Variants in TNC observed in about 807,000 individuals in gnomAD.
TNC encodes the protein tenascin.
In TNC, 109 loss-of-function variants were observed where a neutral mutation model predicts 202.4. The observed-to-expected ratio is 0.54, with a 90% CI of 0.46 to 0.63. The LOEUF (loss-of-function observed/expected upper bound fraction) is 0.63, where lower values mean the gene tolerates loss of function less well. Among genes scored for constraint, TNC ranks in the 30% least tolerant of loss-of-function variants. TNC has a pLI of 0.00. For missense variants in TNC, 2,756 were observed against 2,833.3 expected (o/e 0.97, Z 0.62); for synonymous variants, 1,007 against 1,089.7 (o/e 0.92, Z 1.50).
chr9:115,110,735 C>T (rs887147700), intron 1 of TNC, among the ~76,000 whole-genome samples: 2 of 152,168 alleles, frequency 1.3e-5, no homozygotes, highest in Admixed American at 6.5e-5. Flanking sequence ...GGAATCATTG[C>T]CGTGAAAGGC....
intron 1 of TNC, among the ~76,000 whole-genome samples, chr9:115,103,981 T>A (rs1333268723): frequency 1.3e-5 from 2 of 152,196 alleles, no homozygotes; most frequent in Admixed American, 1.3e-4. Flanking sequence ...CATTGATACA[T>A]TCAGACCACA....
rs575588915 is a variant in TNC, at chr9:115,098,728, C to T, written c.-136-7574G>A. 5.9e-5 allele frequency among the ~76,000 whole-genome samples: 9 copies of T among 152,266 alleles called. No individual in the cohort carries two copies. In the South Asian group the frequency reaches 1.9e-3, roughly 32 times the overall value. On this transcript the variant is annotated intron_variant, in intron 1 of 27. Coordinates refer to ENST00000350763, the MANE Select transcript of TNC (RefSeq NM_002160.4). ...TGAATTTGTTTCCACATCATTTTGGCAACCCATGAGGCAGCTTACACCAAA... is the reference window on the plus strand; with the variant it reads ...TGAATTTGTTTCCACATCATTTTGGTAACCCATGAGGCAGCTTACACCAAA...
In TNC at chr9:115,021,124, C is replaced by T. The variant is rs777165449; in HGVS notation, c.*33G>A. 2.1e-5 allele frequency: 32 copies of T among 1,539,312 alleles called. No homozygotes were observed. The highest frequency in any genetic ancestry group is 2.6e-5 in the Non-Finnish European group (29 of 1,112,992). ...GTAAAATCCTTTCCTCGCTCTGGGC[C>T]TTATTCCTCTCTCACCCAGTGGTCC... On this transcript the variant is annotated 3_prime_UTR_variant, in exon 28 of 28. Transcript: ENST00000350763.
intron 17 of TNC, among the ~76,000 whole-genome samples, chr9:115,045,364 C>T (rs1831093910): frequency 6.6e-6 from 1 of 151,866 alleles, no homozygotes; most frequent in Admixed American, 6.6e-5. Flanking sequence ...ATTATTACTA[C>T]TGTTATTATT....
chr9:115,091,007 C>G lies in TNC; in HGVS notation c.12G>C (p.Met4Ile), dbSNP rs776809537. ...GAAAGACACCTGCCAACAGCTGAGT[C>G]ATGGCCCCCATGGTGGAGGTGGGTT... is the stretch of plus-strand genomic sequence containing the variant. MGA[M>I]TQLLAGVFLA... The change falls in exon 2 of 28, where the codon ATG becomes ATC. Residue 4 changes from methionine to isoleucine, a missense_variant. Met to Ile is a conservative substitution (Grantham distance 10). Around this residue, in one of 2 missense-constraint regions of TNC, gnomAD observed 2,559 missense variants for 2,546.0 expected, o/e 1.01. Coordinates refer to ENST00000350763, the MANE Select transcript of TNC (RefSeq NM_002160.4). 3.7e-6 allele frequency: 6 copies of G among 1,610,080 alleles called. No homozygotes were observed. The Admixed American group carries it at 8.3e-5, about 22-fold the overall frequency.
At chr9:115,049,648 T>TC (rs1264943986) in intron 15 of TNC, among the ~76,000 whole-genome samples, 1 of 148,808 alleles carries the variant, frequency 6.7e-6, no homozygotes, top group Non-Finnish European at 1.5e-5. Context: ...CTTTTTTCTT[T>TC]TTTTTTTTCT....
rs1276429265 is a variant in TNC, at chr9:115,078,163, A to T, written c.2454T>A (p.Thr818=). The change falls in exon 7 of 28, where the codon ACT becomes ACA. Residue 818 remains threonine (T), a synonymous_variant. Coordinates refer to ENST00000350763, the MANE Select transcript of TNC (RefSeq NM_002160.4). ...QIEVKDVTDT[T]ALITWFKPLA... ...GGGGCTTGAACCAGGTGATCAAGGC[A>T]GTGGTGTCTGTGACATCTTTCACCT... 6.2e-7 allele frequency: 1 copy of T among 1,612,960 alleles called. No homozygotes were observed. Among genetic ancestry groups the T allele is most frequent in the Non-Finnish European group, 8.5e-7 (1 of 1,179,018 alleles).
At chr9:115,026,172 A>T (rs142741560) in intron 26 of TNC, among the ~76,000 whole-genome samples, 1 of 152,344 alleles carries the variant, frequency 6.6e-6, no homozygotes, top group East Asian at 1.9e-4. Flanking sequence ...ATACACCCAG[A>T]GTAAATTGAG....
intron 14 of TNC, among the ~76,000 whole-genome samples, chr9:115,059,244 A>G (rs1832362041): frequency 6.6e-6 from 1 of 152,208 alleles, no homozygotes; most frequent in Non-Finnish European, 1.5e-5. Flanking sequence ...TGCATTTTAA[A>G]GAAACATTTC....
rs1188400787 is a variant in TNC, at chr9:115,062,941, G to A, written c.4009C>T (p.Pro1337Ser). ...HGEVRGHSTR[P>S]LAVEVVTEDL... ...CCTGTGACGACCTCTACAGCAAGGG[G>A]TCGAGTGCTGTGGCCCCTGACCTCG... The change falls in exon 13 of 28, where the codon CCC (proline) becomes TCC (serine). Residue 1337 changes from proline (P) to serine (S), a missense_variant. Pro to Ser is a moderately conservative substitution (Grantham distance 74, BLOSUM62 -1). Around this residue, in one of 2 missense-constraint regions of TNC, gnomAD observed 2,559 missense variants for 2,546.0 expected, o/e 1.01. Transcript: ENST00000350763. 1.2e-6 allele frequency: 2 copies of A among 1,613,840 alleles called. No individual in the cohort carries two copies. The highest frequency in any genetic ancestry group is 8.5e-7 in the Non-Finnish European group (1 of 1,179,976).
chr9:115,057,546 G>C (rs962896509), intron 14 of TNC, 121 bp from the exon 15 acceptor site: 26 of 1,081,712 alleles, frequency 2.4e-5, no homozygotes, highest in Non-Finnish European at 3.4e-5. Context: ...ATAATTCAGG[G>C]CTATGATGGA....
intron 1 of TNC, among the ~76,000 whole-genome samples, chr9:115,102,923 T>C: frequency 6.6e-6 from 1 of 152,356 alleles, no homozygotes; most frequent in East Asian, 1.9e-4. Flanking sequence ...GGTTCTTATA[T>C]TGTGGAATTA....
At chr9:115,082,278 G>A (rs907485647) in intron 5 of TNC, among the ~76,000 whole-genome samples, 1 of 152,186 alleles carries the variant, frequency 6.6e-6, no homozygotes, top group Admixed American at 6.5e-5. Flanking sequence ...CAGCTGGTTG[G>A]TGGCAGAGCC....
At chr9:115,098,480 C>T (rs1431318147) in intron 1 of TNC, among the ~76,000 whole-genome samples, 1 of 152,188 alleles carries the variant, frequency 6.6e-6, no homozygotes, top group Non-Finnish European at 1.5e-5. Flanking sequence ...ACGAAGAAAT[C>T]AACAATCTGA....
chr9:115,059,542 A>G (rs1400049463), intron 14 of TNC, among the ~76,000 whole-genome samples, 188 bp downstream of exon 14: 1 of 152,192 alleles, frequency 6.6e-6, no homozygotes, highest in East Asian at 1.9e-4. Flanking sequence ...TGCATCATTC[A>G]CCATCCACAT....
In TNC at chr9:115,086,762, G is replaced by T. The variant is rs1834778495; in HGVS notation, c.969C>A (p.Gly323=). 7.4e-6 allele frequency: 12 copies of T among 1,613,772 alleles called. No homozygotes were observed. The highest frequency in any genetic ancestry group is 1.0e-5 in the Non-Finnish European group (12 of 1,180,006). The change falls in exon 3 of 28, where the codon GGC becomes GGA. Residue 323 remains glycine, a synonymous_variant. Transcript: ENST00000350763. ...AGTAGCAGGTGCCATTGATGCAGCG[G>T]CCCCGGTCGAAGCAGTCATTGGGGC... ...LICPNDCFDR[G]RCINGTCYCE... is the part of the protein sequence containing the mutation.
chr9:115,028,991 T>C (rs1461145347), intron 25 of TNC, among the ~76,000 whole-genome samples: 1 of 100,906 alleles, frequency 9.9e-6, no homozygotes, highest in Non-Finnish European at 2.0e-5. Context: ...GTTGTTCCTG[T>C]GGCTTTCCCC....
At chr9:115,112,240 A>G (rs1259280301) in intron 1 of TNC, among the ~76,000 whole-genome samples, 1 of 152,180 alleles carries the variant, frequency 6.6e-6, no homozygotes, top group Non-Finnish European at 1.5e-5. Context: ...CCTGTTGCCA[A>G]CTGGCGGAAG....
At chr9:115,073,221 A>G (rs1032006183) in intron 10 of TNC, among the ~76,000 whole-genome samples, 95 of 152,262 alleles carry the variant, frequency 6.2e-4, no homozygotes, top group Non-Finnish European at 1.3e-3. Context: ...CTTTAAATGA[A>G]GTAAAATGAA....
Sources: allele counts gnomAD v4.1 joint callset (sites outside exome capture counted in the v4.1 genomes callset), GRCh38; gene constraint gnomAD v4.1.1; regional missense constraint gnomAD v4.1.1; transcripts MANE v1.5; gene names NCBI Gene and HGNC (gene_info 2026-07-23, HGNC 2026-07-21).